The following RHOA variants were observed in gnomAD, a reference collection of about 807,000 sequenced individuals.
The protein encoded by RHOA is transforming protein RhoA.
In RHOA, 3 loss-of-function variants were observed where a neutral mutation model predicts 17.5. The ratio of observed to expected loss-of-function variants is 0.17; its 90% CI spans 0.08 to 0.44. The LOEUF is 0.44. Ranked by LOEUF, RHOA falls within the 20% of genes least tolerant of loss-of-function variation. RHOA has a pLI of 0.99. For synonymous variants in RHOA, 98 were observed against 88.4 expected, an observed-to-expected ratio of 1.11 and a Z score of -0.61; for missense variants, 56 against 242.3, an observed-to-expected ratio of 0.23 and a Z score of 5.10.
intron 1 of RHOA, among the ~76,000 whole-genome samples, chr3:49,393,458 C>G (rs2048545280): frequency 6.6e-6 from 1 of 151,836 alleles, no homozygotes; most frequent in Non-Finnish European, 1.5e-5. Flanking sequence ...AGGCACACAC[C>G]ACCACGTTTG....
At chr3:49,410,452 A>G (rs2048913958) in intron 1 of RHOA, among the ~76,000 whole-genome samples, 1 of 152,224 alleles carries the variant, frequency 6.6e-6, no homozygotes, top group African/African-American at 2.4e-5. Flanking sequence ...CTAGACTTTA[A>G]CTCAAACCAA....
At chr3:49,394,330 C>T (rs996305077) in intron 1 of RHOA, among the ~76,000 whole-genome samples, 2 of 151,430 alleles carry the variant, frequency 1.3e-5, no homozygotes, top group Non-Finnish European at 2.9e-5. Context: ...ATTGCCCCGA[C>T]TGGTCTCATA....
chr3:49,409,634 G>A (rs560663323), intron 1 of RHOA, among the ~76,000 whole-genome samples: 2 of 152,188 alleles, frequency 1.3e-5, no homozygotes, highest in South Asian at 2.1e-4. Flanking sequence ...ACCTTCTCCA[G>A]TCACTGCATG....
At chr3:49,384,944 T>A (rs907218092) in intron 1 of RHOA, among the ~76,000 whole-genome samples, 1 of 151,700 alleles carries the variant, frequency 6.6e-6, no homozygotes, top group Non-Finnish European at 1.5e-5. Flanking sequence ...GCACCTGTAA[T>A]CCCAGCTACT....
Position 49,369,075 on chromosome 3 carries a change from A to C in RHOA, c.157-527T>G, listed in dbSNP as rs559978297. On this transcript the variant is annotated intron_variant, in intron 2 of 4. Transcript: ENST00000418115. ...AGTCTTACTCTGTTGCTCAGACTGG[A>C]GTTCAGTGGCAAGATCTTGGCTCAC... is the stretch of plus-strand genomic sequence containing the variant. Among the ~76,000 whole-genome samples the C allele has an allele frequency of 1.9e-3, 204 of 108,452 alleles. 1 individual carries two copies. Among genetic ancestry groups the C allele is most frequent in the African/African-American group, 7.1e-3 (192 of 26,882 alleles). The allele number at this position is 108,452 out of a possible 152,430, so 71.1% of individuals were successfully genotyped here. A position where few individuals can be genotyped will look rare whatever the true frequency, so the allele number is the denominator to read the frequency against.
chr3:49,389,158 C>A (rs1380871973), intron 1 of RHOA, among the ~76,000 whole-genome samples: 1 of 151,550 alleles, frequency 6.6e-6, no homozygotes, highest in African/African-American at 2.4e-5. Context: ...CCTGGCCAAC[C>A]TGGTGAAACC....
intron 1 of RHOA, 131 bp from the exon 2 acceptor site, chr3:49,375,722 C>CCGAT (rs2048215219): frequency 4.7e-6 from 4 of 848,588 alleles, no homozygotes; most frequent in Non-Finnish European, 5.4e-6. Context: ...TTCTAGTACG[C>CCGAT]CGATCCACCT....
In RHOA at chr3:49,411,955, C is replaced by A. The variant is rs1335873561; in HGVS notation, c.-138G>T. The A allele has an allele frequency of 6.9e-6, 1 of 145,160 alleles. No homozygotes were observed. The highest frequency in any genetic ancestry group is 1.5e-5 in the Non-Finnish European group (1 of 66,956). 9.0% of individuals were successfully genotyped at this position (145,160 alleles called of 1,614,324 possible). ...AGAACCGACGGAGGACCGCGGGCGG[C>A]GGGAGGGTAGCGCGAGAGAGCGAGG... On this transcript the variant is annotated 5_prime_UTR_variant, in exon 1 of 5. Transcript: ENST00000418115.
chr3:49,372,108 T>C (rs1450829266), intron 2 of RHOA, among the ~76,000 whole-genome samples: 1 of 152,222 alleles, frequency 6.6e-6, no homozygotes, highest in Non-Finnish European at 1.5e-5. Context: ...CTATGTATGG[T>C]GCATCAATCT....
chr3:49,368,387 T>C, intron 3 of RHOA, 41 bp downstream of exon 3: 1 of 1,591,088 alleles, frequency 6.3e-7, no homozygotes, highest in Non-Finnish European at 8.6e-7. Flanking sequence ...GCCAACTAGC[T>C]ACACAGGCAG....
At chr3:49,411,477 G>A (rs1375357311) in intron 1 of RHOA, among the ~76,000 whole-genome samples, 1 of 152,198 alleles carries the variant, frequency 6.6e-6, no homozygotes, top group Non-Finnish European at 1.5e-5. Context: ...GCGGTCGCGG[G>A]GCCCGGCCCA....
chr3:49,389,713 A>AGGCGGATCACGAGGTC (rs1196675163), intron 1 of RHOA, among the ~76,000 whole-genome samples: 1 of 152,050 alleles, frequency 6.6e-6, no homozygotes, highest in Non-Finnish European at 1.5e-5. Context: ...AGGCCGAGGC[A>AGGCGGATCACGAGGTC]GGCGGATCAC....
Position 49,359,542 on chromosome 3 carries a change from A to C in RHOA, c.*667T>G. ...TTTCCAAATACACTTTCTTTTTTAAAAAACCAATACACTTTCTTTGAGGAT... is the reference window on the plus strand; with the variant it reads ...TTTCCAAATACACTTTCTTTTTTAACAAACCAATACACTTTCTTTGAGGAT... On this transcript the variant is annotated 3_prime_UTR_variant, in exon 5 of 5. Coordinates refer to ENST00000418115, the MANE Select transcript of RHOA (RefSeq NM_001664.4). 1 of 202,594 alleles carries C rather than the reference A, an allele frequency of 4.9e-6. No individual in the cohort carries two copies. The highest frequency in any genetic ancestry group is 1.9e-4 in the South Asian group (1 of 5,238). The allele number at this position is 202,594 out of a possible 1,614,324, so 12.5% of individuals were successfully genotyped here. A position where few individuals can be genotyped will look rare whatever the true frequency, so the allele number is the denominator to read the frequency against.
At chr3:49,377,047 G>A (rs2048239139) in intron 1 of RHOA, among the ~76,000 whole-genome samples, 1 of 152,154 alleles carries the variant, frequency 6.6e-6, no homozygotes, top group African/African-American at 2.4e-5. Context: ...AGAATCGCTT[G>A]AACCCGGGAG....
At chr3:49,384,198 A>G (rs538272279) in intron 1 of RHOA, among the ~76,000 whole-genome samples, 17 of 152,314 alleles carry the variant, frequency 1.1e-4, no homozygotes, top group African/African-American at 3.8e-4. Flanking sequence ...GCGGCAATAC[A>G]CAGAAGTTGA....
intron 3 of RHOA, among the ~76,000 whole-genome samples, chr3:49,367,918 T>A (rs557071807): frequency 8.6e-4 from 131 of 151,776 alleles, no homozygotes; most frequent in South Asian, 6.0e-3. Flanking sequence ...TAATAATAAT[T>A]ATTATTTTTG....
chr3:49,380,134 A>C (rs1437981571), intron 1 of RHOA, among the ~76,000 whole-genome samples: 2 of 152,182 alleles, frequency 1.3e-5, no homozygotes, highest in Non-Finnish European at 2.9e-5. Context: ...CTTAAAGGGA[A>C]GTCTTTATTA....
At chr3:49,404,320 C>T (rs1185670298) in intron 1 of RHOA, among the ~76,000 whole-genome samples, 1 of 140,828 alleles carries the variant, frequency 7.1e-6, no homozygotes, top group Admixed American at 7.2e-5. Flanking sequence ...AAAAGCCAGG[C>T]GCAGTGGCTC....
chr3:49,374,980 C>T (rs1009009807), intron 2 of RHOA, among the ~76,000 whole-genome samples: 21 of 151,614 alleles, frequency 1.4e-4, no homozygotes, highest in African/African-American at 5.1e-4. Context: ...TCCTTTAAAC[C>T]TGGGGGAAGG....
Sources: allele counts gnomAD v4.1 joint callset (sites outside exome capture counted in the v4.1 genomes callset), GRCh38; gene constraint gnomAD v4.1.1; transcripts MANE v1.5; gene names NCBI Gene and HGNC (gene_info 2026-07-23, HGNC 2026-07-21).